FGD6: variants seen among roughly 807,000 people sequenced by gnomAD.
FGD6 encodes the protein FYVE, RhoGEF and PH domain containing 6.
A neutral mutation model predicts 149.4 loss-of-function variants in FGD6; 90 were observed. The ratio of observed to expected loss-of-function variants is 0.60; its 90% confidence interval spans 0.51 to 0.72. The LOEUF (loss-of-function observed/expected upper bound fraction) is 0.72, where lower values mean the gene tolerates loss of function less well. Among genes scored for constraint, FGD6 ranks in the 30% least tolerant of loss-of-function variants. The probability of loss-of-function intolerance (pLI) is 0.00; values close to 1 mark genes in which losing one functional copy is unlikely to be tolerated. For missense variants in FGD6, 1,437 were observed against 1,684.8 expected (o/e 0.85, Z 2.57); for synonymous variants, 527 against 584.0 (o/e 0.90, Z 1.41).
intron 2 of FGD6, 147 bp from the exon 3 acceptor site, chr12:95,172,891 T>A: frequency 1.6e-6 from 1 of 610,790 alleles, no homozygotes; most frequent in East Asian, 3.0e-5. Context: ...ATCAGCCAAC[T>A]TTCCCTTCCT....
chr12:95,215,629 C>T (rs527355508), intron 1 of FGD6, among the ~76,000 whole-genome samples: 1 of 152,196 alleles, frequency 6.6e-6, no homozygotes, highest in Non-Finnish European at 1.5e-5. Context: ...ACTTTAAACA[C>T]CACAAAAATT....
intron 1 of FGD6, among the ~76,000 whole-genome samples, chr12:95,212,787 T>C (rs2056734676): frequency 6.6e-6 from 1 of 152,186 alleles, no homozygotes; most frequent in African/African-American, 2.4e-5. Flanking sequence ...CTTGGGAAGC[T>C]ATTACACGGA....
At chr12:95,090,477 AG>A (rs2136233089) in intron 17 of FGD6, among the ~76,000 whole-genome samples, 1 of 152,330 alleles carries the variant, frequency 6.6e-6, no homozygotes, top group East Asian at 1.9e-4. Context: ...GAGATAACGA[AG>A]GCCTTATTAG....
intron 11 of FGD6, 38 bp downstream of exon 11, chr12:95,108,310 T>C (rs746872806): frequency 5.1e-6 from 8 of 1,564,838 alleles, no homozygotes; most frequent in Non-Finnish European, 6.1e-6. Flanking sequence ...CCTAAATGCA[T>C]CGTATTAAGT....
At chr12:95,106,112 A>ATGT (rs139880961) in intron 13 of FGD6, among the ~76,000 whole-genome samples, 1 of 151,218 alleles carries the variant, frequency 6.6e-6, no homozygotes, top group South Asian at 2.1e-4. Context: ...TTTTCTCTAA[A>ATGT]ATATATATTT....
chr12:95,127,818 A>G (rs1879390917), intron 8 of FGD6, among the ~76,000 whole-genome samples: 1 of 152,186 alleles, frequency 6.6e-6, no homozygotes, highest in Non-Finnish European at 1.5e-5. Context: ...AAACCACCTG[A>G]TCCACATTTA....
At chr12:95,097,406 A>C (rs1404605826) in intron 14 of FGD6, among the ~76,000 whole-genome samples, 6 of 151,904 alleles carry the variant, frequency 3.9e-5, no homozygotes, top group East Asian at 1.9e-4. Flanking sequence ...GAGGCCGAGG[A>C]GGGTGGATCA....
intron 8 of FGD6, among the ~76,000 whole-genome samples, chr12:95,127,878 AG>A (rs1879393530): frequency 6.6e-6 from 1 of 152,248 alleles, no homozygotes; most frequent in Admixed American, 6.5e-5. Context: ...GACTTATCAG[AG>A]GAATTTTAAA....
chr12:95,217,135 C>T, intron 1 of FGD6, 90 bp downstream of exon 1: 1 of 1,579,128 alleles, frequency 6.3e-7, no homozygotes, highest in Non-Finnish European at 8.6e-7. Flanking sequence ...ACACAACTCG[C>T]CCACCCCGGC....
chr12:95,160,157 T>C (rs113178406), intron 3 of FGD6, among the ~76,000 whole-genome samples: 8 of 151,854 alleles, frequency 5.3e-5, no homozygotes, highest in African/African-American at 1.9e-4. Flanking sequence ...CCAGCCTGGG[T>C]AACAAAGCAA....
chr12:95,139,523 A>G (rs1879781568), intron 6 of FGD6, among the ~76,000 whole-genome samples: 2 of 151,342 alleles, frequency 1.3e-5, no homozygotes, highest in Admixed American at 6.6e-5. Context: ...TTTAGTAGAG[A>G]CAAGGTTTCA....
chr12:95,100,779 G>A (rs1878401075), intron 14 of FGD6: 1 of 463,740 alleles, frequency 2.2e-6, no homozygotes, highest in Admixed American at 2.4e-5. Context: ...ATAGTGATGA[G>A]CGAACAGAAA....
intron 14 of FGD6, chr12:95,100,554 C>G: frequency 3.3e-6 from 1 of 303,862 alleles, no homozygotes; most frequent in Non-Finnish European, 6.1e-6. Context: ...AGGCTAATCG[C>G]ACTGTTGGCT....
chr12:95,186,481 AG>A (rs1881440734), intron 2 of FGD6, among the ~76,000 whole-genome samples: 2 of 148,366 alleles, frequency 1.3e-5, no homozygotes, highest in South Asian at 4.2e-4. Context: ...TATAGGCATG[AG>A]CCACTGTGCC....
intron 1 of FGD6, 123 bp downstream of exon 1, chr12:95,217,102 G>A: frequency 6.9e-7 from 1 of 1,457,264 alleles, no homozygotes; most frequent in Non-Finnish European, 9.4e-7. Flanking sequence ...CGCTTGCCGA[G>A]GTGCTCGGCA....
chr12:95,117,561 G>A (rs1291371141), intron 8 of FGD6, among the ~76,000 whole-genome samples: 1 of 152,070 alleles, frequency 6.6e-6, no homozygotes, highest in East Asian at 1.9e-4. Context: ...CAAGTAGCTA[G>A]GACAACAGAC....
chr12:95,209,265 A>G lies in FGD6; in HGVS notation c.2019T>C (p.Asp673=). 6.2e-7 allele frequency: 1 copy of G among 1,614,110 alleles called. No individual in the cohort carries two copies. Among genetic ancestry groups the G allele is most frequent in the South Asian group, 1.1e-5 (1 of 91,068 alleles). ...SSGEQKGIES[D]WQGLLVGEEK... Reference sequence around the variant, plus strand: ...CCTCTCCTACCAACAAGCCTTGCCAATCACTTTCAATCCCCTTCTGCTCCC... The same window carrying G: ...CCTCTCCTACCAACAAGCCTTGCCAGTCACTTTCAATCCCCTTCTGCTCCC... Residue 673 remains aspartate (D), a synonymous_variant, in exon 2 of 21, where the codon GAT becomes GAC. Coordinates refer to ENST00000343958, the MANE Select transcript of FGD6 (RefSeq NM_018351.4).
rs185928365 is a variant in FGD6 at position 95,147,039 on chromosome 12, T to A, written c.2686-5500A>T. Among the ~76,000 whole-genome samples the A allele has an allele frequency of 3.2e-4, 48 of 152,272 alleles. 1 individual carries two copies. The highest frequency in any genetic ancestry group is 1.0e-3 in the South Asian group (5 of 4,828). On this transcript the variant is annotated intron_variant, in intron 5 of 20. Coordinates refer to ENST00000343958, the MANE Select transcript of FGD6 (RefSeq NM_018351.4). ...CAGCTGCCTGACCTCAGGGCATTAC[T>A]GAACTACTATCATGACACAATGAAT...
intron 3 of FGD6, among the ~76,000 whole-genome samples, chr12:95,158,480 C>T (rs1008610450): frequency 6.6e-6 from 1 of 151,994 alleles, no homozygotes; most frequent in Non-Finnish European, 1.5e-5. Flanking sequence ...TTAAACTACA[C>T]ATAGCTATAT....
Sources: gnomAD v4.1 joint callset for allele counts (sites outside exome capture counted in the v4.1 genomes callset) on GRCh38, gnomAD v4.1.1 for gene constraint, MANE v1.5 for transcripts, NCBI Gene and HGNC (gene_info 2026-07-23, HGNC 2026-07-21) for gene names.